The following DRC11L variants were observed in gnomAD, a reference collection of about 807,000 sequenced individuals.
DRC11L encodes the protein dynein regulatory complex subunit 11 like, also known as dynein regulatory complex subunit like-11.
chr7:151,191,444 C>T, the DRC11L span, among the ~76,000 whole-genome samples: 1 of 152,186 alleles, frequency 6.6e-6, no homozygotes. Context: ...CTCAGGGAAA[C>T]CAGGTGGGAC....
the DRC11L span, among the ~76,000 whole-genome samples, chr7:151,201,843 T>C: frequency 6.6e-6 from 1 of 152,102 alleles, no homozygotes; most frequent in Non-Finnish European, 1.5e-5. This position sits in a 1 kb window ranked among gnomAD's most constrained non-coding sequence, Gnocchi z 4.1. Context: ...GAACAGAAAG[T>C]GGTCTGTTCC....
chr7:151,196,394 G>C, the DRC11L span: 1 of 399,162 alleles, frequency 2.5e-6, no homozygotes, highest in Non-Finnish European at 4.4e-6. Context: ...TGTGGGTTAT[G>C]GGGGAGGGTA....
chr7:151,200,501 T>C, the DRC11L span: 6 of 399,056 alleles, frequency 1.5e-5, no homozygotes, highest in African/African-American at 1.2e-4. Context: ...GGACACACAG[T>C]CTCCACCCTG....
At chr7:151,203,433 C>T in the DRC11L span, 12 of 399,190 alleles carry the variant, frequency 3.0e-5, no homozygotes, top group African/African-American at 4.1e-5. Context: ...GACAGGATCT[C>T]GGCCAGTATC....
chr7:151,203,022 A>C, the DRC11L span: 2 of 399,692 alleles, frequency 5.0e-6, no homozygotes, highest in African/African-American at 4.1e-5. Flanking sequence ...AGGTGGCTCG[A>C]AGCCGGCCTT....
the DRC11L span, chr7:151,195,608 G>C: frequency 2.5e-6 from 1 of 399,508 alleles, no homozygotes; most frequent in Non-Finnish European, 4.4e-6. Context: ...CTTCCTCCTT[G>C]TCCACAGCCA....
the DRC11L span, among the ~76,000 whole-genome samples, chr7:151,197,649 C>T: frequency 2.0e-5 from 3 of 152,170 alleles, no homozygotes; most frequent in Non-Finnish European, 4.4e-5. Context: ...CTGCTCCAGC[C>T]GCAGCTGCTC....
At chr7:151,204,393 A>AC in the DRC11L span, 1 of 280,176 alleles carries the variant, frequency 3.6e-6, no homozygotes, top group Non-Finnish European at 6.5e-6. Flanking sequence ...ACCCCACCCG[A>AC]CCCCAAGCTG....
chr7:151,203,316 G>A, the DRC11L span: 1 of 398,976 alleles, frequency 2.5e-6, no homozygotes, highest in Admixed American at 4.4e-5. Context: ...GTAGAGAGCA[G>A]GGAGGGGCCT....
At chr7:151,201,871 G>A in the DRC11L span, among the ~76,000 whole-genome samples, 3,212 of 152,270 alleles carry the variant, frequency 0.021, 47 homozygotes, top group Non-Finnish European at 0.036. This position sits in a 1 kb window ranked among gnomAD's most constrained non-coding sequence, Gnocchi z 4.1. Context: ...GAATTTTCCC[G>A]GGGCTCCTCC....
the DRC11L span, chr7:151,192,920 C>A: frequency 1.0e-5 from 4 of 398,530 alleles, no homozygotes; most frequent in African/African-American, 8.2e-5. Context: ...GAGGGCCGGC[C>A]TTGAGCAGGG....
the DRC11L span, chr7:151,202,911 C>T: frequency 7.5e-6 from 3 of 399,774 alleles, no homozygotes; most frequent in Non-Finnish European, 1.3e-5. Flanking sequence ...CTAGGGTTAC[C>T]TTCTGTATGG....
chr7:151,191,083 C>T, the DRC11L span: 1 of 399,204 alleles, frequency 2.5e-6, no homozygotes, highest in African/African-American at 2.1e-5. Context: ...CTTGAAGTAC[C>T]AGTCCTGGGT....
At chr7:151,199,052 G>A in the DRC11L span, 2 of 398,812 alleles carry the variant, frequency 5.0e-6, no homozygotes, top group Non-Finnish European at 8.8e-6. This position sits in a 1 kb window ranked among gnomAD's most constrained non-coding sequence, Gnocchi z 5.2. Flanking sequence ...GGAGGAACCA[G>A]CAACCAGTCT....
the DRC11L span, chr7:151,192,675 C>T: frequency 2.5e-6 from 1 of 399,162 alleles, no homozygotes; most frequent in Non-Finnish European, 4.4e-6. Context: ...GGAACAAGCC[C>T]AGGCCTTCCA....
chr7:151,193,056 AGTCTCAT>A, the DRC11L span: 1 of 397,220 alleles, frequency 2.5e-6, no homozygotes, highest in South Asian at 1.4e-4. Flanking sequence ...CTGCATATTC[AGTCTCAT>A]CCTACCATGA....
chr7:151,201,804 G>A, the DRC11L span, among the ~76,000 whole-genome samples: 40 of 152,288 alleles, frequency 2.6e-4, no homozygotes, highest in African/African-American at 7.7e-4. The surrounding 1 kb of genome is among the most constrained non-coding windows in gnomAD (Gnocchi z 4.1). Context: ...GAGCAGGGCC[G>A]GTGGCCTTAG....
At chr7:151,193,651 A>G in the DRC11L span, among the ~76,000 whole-genome samples, 6 of 152,156 alleles carry the variant, frequency 3.9e-5, no homozygotes, top group African/African-American at 1.4e-4. Context: ...CCCCTAGTCC[A>G]CTAGGTCTGG....
At chr7:151,204,478 G>T in the DRC11L span, 1 of 398,978 alleles carries the variant, frequency 2.5e-6, no homozygotes. Context: ...TAGCTGGCTG[G>T]GGGCGTGGCT....
Sources: gnomAD v4.1 joint callset for allele counts (sites outside exome capture counted in the v4.1 genomes callset) on GRCh38, gnomAD v4.1.1 for gene constraint, Gnocchi (gnomAD v3.1) non-coding constraint, MANE v1.5 for transcripts, NCBI Gene and HGNC (gene_info 2026-07-23, HGNC 2026-07-21) for gene names.